The following ATXN1 variants were observed in gnomAD, a reference collection of about 807,000 sequenced individuals.
The protein encoded by ATXN1 is ataxin-1.
In ATXN1, 8 loss-of-function variants were observed where a neutral mutation model predicts 56.4. The ratio of observed to expected loss-of-function variants is 0.14; its 90% confidence interval spans 0.08 to 0.26. The LOEUF is 0.26. Among genes scored for constraint, ATXN1 ranks in the 10% least tolerant of loss-of-function variants. The pLI is 1.00. For missense variants in ATXN1, 987 were observed against 1,106.5 expected (o/e 0.89, Z 1.53); for synonymous variants, 514 against 494.6 (o/e 1.04, Z -0.52).
chr6:16,414,548 T>G (rs912588934), intron 6 of ATXN1, among the ~76,000 whole-genome samples: 1 of 152,200 alleles, frequency 6.6e-6, no homozygotes, highest in Non-Finnish European at 1.5e-5. Flanking sequence ...TCTAGACTTA[T>G]TCAAACCTGC....
intron 2 of ATXN1, among the ~76,000 whole-genome samples, chr6:16,729,970 C>CA (rs1288879448): frequency 1.3e-5 from 2 of 152,144 alleles, no homozygotes; most frequent in Non-Finnish European, 2.9e-5. Context: ...TCAGAGATGG[C>CA]AACAGATTAA....
At chr6:16,470,952 A>G (rs1291995294) in intron 6 of ATXN1, among the ~76,000 whole-genome samples, 2 of 152,184 alleles carry the variant, frequency 1.3e-5, no homozygotes, top group Admixed American at 6.5e-5. Flanking sequence ...TTTTCTCCAC[A>G]GGCCAACCAA....
intron 3 of ATXN1, among the ~76,000 whole-genome samples, chr6:16,627,290 A>T (rs1763423261): frequency 6.6e-6 from 1 of 152,190 alleles, no homozygotes; most frequent in South Asian, 2.1e-4. Flanking sequence ...CAGCAAACTC[A>T]ATGTTACCTT....
At chr6:16,472,142 G>A (rs927231565) in intron 6 of ATXN1, among the ~76,000 whole-genome samples, 2 of 152,022 alleles carry the variant, frequency 1.3e-5, no homozygotes, top group Non-Finnish European at 2.9e-5. Context: ...GAAATAACAC[G>A]CAGGTGGCAG....
intron 3 of ATXN1, among the ~76,000 whole-genome samples, chr6:16,637,635 C>G (rs1162918145): frequency 6.6e-6 from 1 of 152,118 alleles, no homozygotes; most frequent in Non-Finnish European, 1.5e-5. Flanking sequence ...CTTAAAATAT[C>G]CATGTCGAGT....
At chr6:16,753,052 A>C (rs1760771294) in intron 2 of ATXN1, 181 bp downstream of exon 2, 1 of 350,858 alleles carries the variant, frequency 2.9e-6, no homozygotes, top group Non-Finnish European at 5.6e-6. Context: ...TAGATACTTT[A>C]ATCGAAGTTT....
intron 6 of ATXN1, among the ~76,000 whole-genome samples, chr6:16,413,895 GA>G (rs1319513034): frequency 6.6e-6 from 1 of 152,142 alleles, no homozygotes; most frequent in East Asian, 1.9e-4. Flanking sequence ...GGGGAAACAA[GA>G]GTTACTTTAC....
intron 5 of ATXN1, among the ~76,000 whole-genome samples, chr6:16,500,739 A>AAT (rs1491529138): frequency 1.1e-4 from 8 of 75,438 alleles, no homozygotes; most frequent in African/African-American, 4.2e-4. Flanking sequence ...TCATTATGAT[A>AAT]AAAAAAAAAA....
intron 2 of ATXN1, among the ~76,000 whole-genome samples, chr6:16,727,884 A>T (rs1270720003): frequency 1.3e-5 from 2 of 152,238 alleles, no homozygotes; most frequent in Non-Finnish European, 2.9e-5. Context: ...GCCAGTGGGC[A>T]CAAAAATAAT....
At chr6:16,628,495 C>T (rs190853491) in intron 3 of ATXN1, among the ~76,000 whole-genome samples, 3 of 152,280 alleles carry the variant, frequency 2.0e-5, no homozygotes, top group Admixed American at 2.0e-4. Context: ...TTCAGGGGTA[C>T]ATGTGCAGGT....
At chr6:16,363,660 G>A (rs567517434) in intron 6 of ATXN1, among the ~76,000 whole-genome samples, 91 of 152,296 alleles carry the variant, frequency 6.0e-4, no homozygotes, top group Middle Eastern at 3.4e-3. Flanking sequence ...GCTCCCACCC[G>A]TACCGTTTAA....
At chr6:16,558,237 G>C (rs1762048268) in intron 4 of ATXN1, among the ~76,000 whole-genome samples, 1 of 148,356 alleles carries the variant, frequency 6.7e-6, no homozygotes, top group Non-Finnish European at 1.5e-5. Context: ...GGAGTTCCAG[G>C]TTGCAGTAAG....
chr6:16,744,075 G>A (rs1322046772), intron 2 of ATXN1, among the ~76,000 whole-genome samples: 1 of 152,102 alleles, frequency 6.6e-6, no homozygotes, highest in Non-Finnish European at 1.5e-5. Context: ...AAAACATGTT[G>A]GACCAGAACA....
At chr6:16,755,817 G>A (rs1760871125) in intron 1 of ATXN1, among the ~76,000 whole-genome samples, 2 of 151,886 alleles carry the variant, frequency 1.3e-5, no homozygotes, top group African/African-American at 4.8e-5. Context: ...ACACTACCAT[G>A]AATTTTCTGG....
Position 16,620,705 on chromosome 6 carries a change from C to T in ATXN1, c.-488-34798G>A, listed in dbSNP as rs1368951345. ...TATATGCCCCCCCAAAAGGCTTTAG[C>T]CCTCCATGGCACAGGTGTATTTACA... On this transcript the variant is annotated intron_variant, in intron 3 of 7. Transcript: ENST00000436367. Among the ~76,000 whole-genome samples the T allele has an allele frequency of 2.0e-5, 3 of 152,218 alleles. No individual in the cohort carries two copies. In the East Asian group the frequency reaches 5.8e-4, roughly 29 times the overall value.
In ATXN1 at chr6:16,607,166, G is replaced by A. The variant is rs140762737; in HGVS notation, c.-488-21259C>T. Reference sequence around the variant, plus strand: ...TGGGATTACAGGCATGAGCCACCGCGTCCGGCCAGGCAGCCCTGTTATATA... The same window carrying A: ...TGGGATTACAGGCATGAGCCACCGCATCCGGCCAGGCAGCCCTGTTATATA... On this transcript the variant is annotated intron_variant, in intron 3 of 7. Coordinates refer to ENST00000436367, the MANE Select transcript of ATXN1 (RefSeq NM_001128164.2). Among the ~76,000 whole-genome samples, 700 of 152,346 alleles carry A rather than the reference G, an allele frequency of 4.6e-3. 1 individual carries two copies. Among genetic ancestry groups the A allele is most frequent in the African/African-American group, 0.012 (499 of 41,586 alleles).
chr6:16,738,871 A>G (rs1760230125), intron 2 of ATXN1: 1 of 152,238 alleles, frequency 6.6e-6, no homozygotes, highest in African/African-American at 2.4e-5. Context: ...TTTCTGTGGG[A>G]TATTCTAGTT....
intron 6 of ATXN1, among the ~76,000 whole-genome samples, chr6:16,444,755 A>G (rs1021918073): frequency 6.6e-6 from 1 of 152,226 alleles, no homozygotes; most frequent in Admixed American, 6.5e-5. Flanking sequence ...ACTATTTGCA[A>G]TCCCTGATAA....
intron 6 of ATXN1, among the ~76,000 whole-genome samples, chr6:16,443,208 CAAAAAAAAAAAA>C (rs70999325): frequency 4.9e-5 from 2 of 40,760 alleles, no homozygotes; most frequent in African/African-American, 2.3e-4. Flanking sequence ...TCTATTGGAG[CAAAAAAAAAAAA>C]AAAAAAAAAA....
Sources: gnomAD v4.1 joint callset for allele counts (sites outside exome capture counted in the v4.1 genomes callset) on GRCh38, gnomAD v4.1.1 for gene constraint, MANE v1.5 for transcripts, NCBI Gene and HGNC (gene_info 2026-07-23, HGNC 2026-07-21) for gene names.